LZTS1: variants seen among roughly 807,000 people sequenced by gnomAD.
LZTS1 encodes leucine zipper tumor suppressor 1, also known as leucine zipper putative tumor suppressor 1.
A neutral mutation model predicts 45.8 loss-of-function variants in LZTS1; 31 were observed. That is an observed-to-expected ratio of 0.68 (90% CI 0.51 to 0.91). LZTS1 has a LOEUF of 0.91. LZTS1 is among the 40% of genes least tolerant of loss of function. The pLI, the probability that LZTS1 is intolerant of heterozygous loss-of-function variation, is 0.00. For missense variants in LZTS1, 821 were observed against 788.9 expected (o/e 1.04, Z -0.49); for synonymous variants, 359 against 357.3 (o/e 1.00, Z -0.05).
chr8:20,276,323 G>A (rs1264999085), intron 1 of LZTS1, among the ~76,000 whole-genome samples: 1 of 151,510 alleles, frequency 6.6e-6, no homozygotes, highest in Non-Finnish European at 1.5e-5. Flanking sequence ...AGGATTAGAT[G>A]GTTGGGACTT....
intron 1 of LZTS1, among the ~76,000 whole-genome samples, chr8:20,297,716 C>A (rs1011238473): frequency 1.3e-5 from 2 of 152,086 alleles, no homozygotes; most frequent in Non-Finnish European, 1.5e-5. Context: ...ACGCCAGGCC[C>A]TAGTTTATTG....
chr8:20,281,364 A>G (rs1345487508), intron 1 of LZTS1, among the ~76,000 whole-genome samples: 1 of 151,332 alleles, frequency 6.6e-6, no homozygotes, highest in Non-Finnish European at 1.5e-5. Flanking sequence ...GTTCAAGACC[A>G]GCCTGGCCAA....
chr8:20,281,842 A>G (rs1043232758), intron 1 of LZTS1, among the ~76,000 whole-genome samples: 2 of 152,188 alleles, frequency 1.3e-5, no homozygotes, highest in African/African-American at 2.4e-5. Flanking sequence ...TGTATAAATT[A>G]CCCAGTCTCA....
chr8:20,255,510 CCTCTA>C (rs1800077397), intron 1 of LZTS1, among the ~76,000 whole-genome samples, 195 bp from the exon 2 acceptor site: 1 of 152,170 alleles, frequency 6.6e-6, no homozygotes, highest in Non-Finnish European at 1.5e-5. Flanking sequence ...TTCATGCAAG[CCTCTA>C]CTCTAAACAC....
At chr8:20,265,501 CATGTCTACAAAAG>C (rs1365715508) in intron 1 of LZTS1, among the ~76,000 whole-genome samples, 1 of 151,564 alleles carries the variant, frequency 6.6e-6, no homozygotes, top group African/African-American at 2.4e-5. Context: ...CCCTCCCTGC[CATGTCTACAAAAG>C]ATTTTTTAAA....
At chr8:20,255,345 G>C (rs773358191) in intron 1 of LZTS1, 30 bp from the exon 2 acceptor site, 26 of 1,402,096 alleles carry the variant, frequency 1.9e-5, no homozygotes, top group Non-Finnish European at 2.4e-5. Flanking sequence ...AGAAGTCAGC[G>C]TGGGTGGGAG....
intron 1 of LZTS1, among the ~76,000 whole-genome samples, chr8:20,271,641 A>C (rs958027935): frequency 6.7e-6 from 1 of 150,324 alleles, no homozygotes; most frequent in African/African-American, 2.5e-5. Flanking sequence ...TTTCCCACCT[A>C]CTCTTCCCTC....
intron 1 of LZTS1, among the ~76,000 whole-genome samples, chr8:20,294,986 T>G (rs546052904): frequency 6.6e-6 from 1 of 151,040 alleles, no homozygotes; most frequent in Non-Finnish European, 1.5e-5. Flanking sequence ...CCAAGCAGAG[T>G]GTGGGAGGCA....
intron 1 of LZTS1, among the ~76,000 whole-genome samples, chr8:20,270,797 C>CTGTG (rs745917836): frequency 0.16 from 15,587 of 99,102 alleles, 900 homozygotes; most frequent in Middle Eastern, 0.27. Flanking sequence ...CGAGTGTGTC[C>CTGTG]TCTGTGTGTG....
At chr8:20,288,050 C>A (rs1327677395) in intron 1 of LZTS1, among the ~76,000 whole-genome samples, 2 of 152,178 alleles carry the variant, frequency 1.3e-5, no homozygotes, top group East Asian at 3.9e-4. Context: ...CCAGCCCCCA[C>A]CTCCTGCCTC....
At chr8:20,288,764 C>G (rs1470803831) in intron 1 of LZTS1, among the ~76,000 whole-genome samples, 1 of 152,116 alleles carries the variant, frequency 6.6e-6, no homozygotes, top group African/African-American at 2.4e-5. Context: ...CTGCGCCCAA[C>G]CTGCCCCTCC....
At chr8:20,286,278 C>T (rs961029455) in intron 1 of LZTS1, among the ~76,000 whole-genome samples, 2 of 152,152 alleles carry the variant, frequency 1.3e-5, no homozygotes, top group African/African-American at 4.8e-5. Flanking sequence ...GAAAACAATT[C>T]TCGTAAATCT....
intron 1 of LZTS1, among the ~76,000 whole-genome samples, chr8:20,265,121 T>C (rs1256699056): frequency 6.6e-6 from 1 of 152,244 alleles, no homozygotes; most frequent in East Asian, 1.9e-4. Flanking sequence ...GAATGGCTGG[T>C]AGGTTGCCGG....
Position 20,253,563 on chromosome 8 carries a change from C to T in LZTS1, c.368G>A (p.Arg123Lys). Reference sequence around the variant, plus strand: ...CAGCACAGGCTTGAAGGCTGTGGGCCTCACTGCACCCTTCTCGGAGCCCTG... The same window carrying T: ...CAGCACAGGCTTGAAGGCTGTGGGCTTCACTGCACCCTTCTCGGAGCCCTG... ...LEMGSEKGAV[R>K]PTAFKPVLPR... The change falls in exon 3 of 4, where the codon AGG becomes AAG. Residue 123 changes from arginine (R) to lysine (K), a missense_variant. Transcript: ENST00000381569. The T allele has an allele frequency of 6.8e-7, 1 of 1,470,540 alleles. No homozygotes were observed. The highest frequency in any genetic ancestry group is 9.0e-7 in the Non-Finnish European group (1 of 1,112,986). The allele number at this position is 1,470,540 out of a possible 1,614,324, so 91.1% of individuals were successfully genotyped here. A position where few individuals can be genotyped will look rare whatever the true frequency, so the allele number is the denominator to read the frequency against.
intron 1 of LZTS1, among the ~76,000 whole-genome samples, chr8:20,280,475 A>T (rs1800666059): frequency 6.6e-6 from 1 of 152,050 alleles, no homozygotes; most frequent in South Asian, 2.1e-4. Context: ...ATTGACATTC[A>T]TGGGGATAAT....
At chr8:20,302,609 G>A (rs1801100168) in intron 1 of LZTS1, among the ~76,000 whole-genome samples, 2 of 152,286 alleles carry the variant, frequency 1.3e-5, no homozygotes, top group Admixed American at 1.3e-4. Context: ...TTCCAGCAGA[G>A]TGTGGGATCC....
chr8:20,300,704 A>G (rs1801060843), intron 1 of LZTS1, among the ~76,000 whole-genome samples: 1 of 152,144 alleles, frequency 6.6e-6, no homozygotes, highest in African/African-American at 2.4e-5. Flanking sequence ...ACTCCTCAGG[A>G]GCCAGTGAGT....
At chr8:20,291,022 C>G (rs925359256) in intron 1 of LZTS1, among the ~76,000 whole-genome samples, 2 of 152,238 alleles carry the variant, frequency 1.3e-5, no homozygotes, top group African/African-American at 4.8e-5. Context: ...CACTCCTGCA[C>G]CACATCTGGC....
intron 1 of LZTS1, among the ~76,000 whole-genome samples, chr8:20,260,998 C>G (rs1266376107): frequency 1.3e-5 from 2 of 152,184 alleles, no homozygotes; most frequent in Non-Finnish European, 2.9e-5. Context: ...TGTGTTCCAT[C>G]CTGGTTCCCA....
Sources: allele counts gnomAD v4.1 joint callset (sites outside exome capture counted in the v4.1 genomes callset), GRCh38; gene constraint gnomAD v4.1.1; transcripts MANE v1.5; gene names NCBI Gene and HGNC (gene_info 2026-07-23, HGNC 2026-07-21).